Variants in IQCM observed in about 807,000 individuals in gnomAD.
IQCM encodes IQ domain-containing protein M.
IQCM carries 45 observed loss-of-function variants against 57.6 expected under a neutral mutation model. The ratio of observed to expected loss-of-function variants is 0.78; its 90% CI spans 0.62 to 1.00. The LOEUF is 1.00. Ranked by LOEUF, IQCM falls within the 50% of genes least tolerant of loss-of-function variation. The pLI, the probability that IQCM is intolerant of heterozygous loss-of-function variation, is 0.00. For missense variants in IQCM, 468 were observed against 511.6 expected (o/e 0.91, Z 0.82); for synonymous variants, 148 against 158.9 (o/e 0.93, Z 0.51).
intron 8 of IQCM, among the ~76,000 whole-genome samples, chr4:149,597,906 TACAC>T (rs1366107157): frequency 6.6e-6 from 1 of 151,936 alleles, no homozygotes; most frequent in Non-Finnish European, 1.5e-5. Context: ...AAACTACACT[TACAC>T]ACCTCATGAC....
At chr4:149,684,061 C>T (rs976324982) in intron 6 of IQCM, among the ~76,000 whole-genome samples, 2 of 151,210 alleles carry the variant, frequency 1.3e-5, no homozygotes, top group South Asian at 2.1e-4. Flanking sequence ...ATAATATCAA[C>T]TAAAAATTAG....
chr4:149,461,460 C>T (rs1045130866), intron 12 of IQCM, among the ~76,000 whole-genome samples: 3 of 151,728 alleles, frequency 2.0e-5, no homozygotes, highest in African/African-American at 7.3e-5. Flanking sequence ...TAAAAACAAA[C>T]ATGACTACAT....
chr4:149,648,504 T>C (rs3857087), intron 7 of IQCM, among the ~76,000 whole-genome samples: 76,619 of 152,044 alleles, frequency 0.5, 19,616 homozygotes, highest in South Asian at 0.59. Flanking sequence ...AATAAACATA[T>C]ATGTGCATGT....
intron 2 of IQCM, among the ~76,000 whole-genome samples, chr4:149,783,105 A>T (rs1771762762): frequency 6.6e-6 from 1 of 152,114 alleles, no homozygotes; most frequent in Non-Finnish European, 1.5e-5. Flanking sequence ...TGTACTCCAC[A>T]TTCATCTATC....
intron 11 of IQCM, among the ~76,000 whole-genome samples, chr4:149,550,784 A>G (rs1748955696): frequency 6.6e-6 from 1 of 152,226 alleles, no homozygotes; most frequent in Non-Finnish European, 1.5e-5. Context: ...AAGTAACATG[A>G]AGACAAATTA....
chr4:149,432,672 A>G (rs1179598573), intron 13 of IQCM, among the ~76,000 whole-genome samples: 1 of 152,000 alleles, frequency 6.6e-6, no homozygotes, highest in Non-Finnish European at 1.5e-5. Context: ...TCTTCAAAAG[A>G]TACTATTAAA....
rs576001864 is a variant in IQCM, at chr4:149,710,696, CTATT to C, written c.385+22544_385+22547del. ...AAAATATCTGTATAACACTAGCTCT[CTATT>C]TATTTTTACTAGCAAAACTATATTT... On this transcript the variant is annotated intron_variant, in intron 5 of 13. Transcript: ENST00000636793. 2.5e-3 allele frequency among the ~76,000 whole-genome samples: 375 copies of C among 152,248 alleles called. 1 individual carries two copies. Among genetic ancestry groups the C allele is most frequent in the Middle Eastern group, 6.8e-3 (2 of 294 alleles).
At chr4:149,554,637 T>C (rs918023946) in intron 10 of IQCM, among the ~76,000 whole-genome samples, 4 of 151,406 alleles carry the variant, frequency 2.6e-5, no homozygotes, top group African/African-American at 9.7e-5. Flanking sequence ...TTCTACAAGA[T>C]TTTTTGTTTG....
intron 13 of IQCM, among the ~76,000 whole-genome samples, chr4:149,401,342 C>A (rs1035861021): frequency 1.3e-5 from 2 of 151,682 alleles, no homozygotes; most frequent in African/African-American, 4.8e-5. Flanking sequence ...TTAGAATGGT[C>A]TTTATATTTT....
At chr4:149,521,481 G>T (rs2149832082) in intron 12 of IQCM, among the ~76,000 whole-genome samples, 1 of 152,218 alleles carries the variant, frequency 6.6e-6, no homozygotes, top group Non-Finnish European at 1.5e-5. Context: ...TTTAGTAATT[G>T]TTTAGTTCAG....
intron 13 of IQCM, among the ~76,000 whole-genome samples, chr4:149,396,598 CTT>C (rs975548137): frequency 5.0e-4 from 76 of 152,058 alleles, no homozygotes; most frequent in African/African-American, 1.8e-3. Flanking sequence ...GGTTTACCCT[CTT>C]GACAAATTTT....
chr4:149,779,552 CA>C (rs1164631683), intron 2 of IQCM, among the ~76,000 whole-genome samples: 1 of 151,874 alleles, frequency 6.6e-6, no homozygotes, highest in Non-Finnish European at 1.5e-5. Context: ...ATCTGTAGAC[CA>C]AAAAGTGAAC....
chr4:149,610,331 A>C (rs1160601212), intron 8 of IQCM, among the ~76,000 whole-genome samples: 3 of 151,942 alleles, frequency 2.0e-5, no homozygotes, highest in Non-Finnish European at 2.9e-5. Flanking sequence ...AGTGTAAAAC[A>C]TATCAAAATA....
chr4:149,627,565 CAG>C (rs965581436), intron 7 of IQCM, among the ~76,000 whole-genome samples: 4 of 152,096 alleles, frequency 2.6e-5, no homozygotes, highest in Non-Finnish European at 4.4e-5. Context: ...TTCCATTTAA[CAG>C]AGGAGAAAAC....
intron 13 of IQCM, among the ~76,000 whole-genome samples, chr4:149,429,146 G>A (rs1480274843): frequency 6.6e-6 from 1 of 151,804 alleles, no homozygotes; most frequent in South Asian, 2.1e-4. Flanking sequence ...CAGCTTCAAG[G>A]TTAAAAATTT....
chr4:149,576,235 GATT>G (rs1487906257), intron 9 of IQCM, among the ~76,000 whole-genome samples: 1 of 151,568 alleles, frequency 6.6e-6, no homozygotes, highest in Non-Finnish European at 1.5e-5. Context: ...TTGGAGTACA[GATT>G]ATTTTGTCAC....
In IQCM at chr4:149,468,616, GAA is replaced by G. The variant is rs1739142298; in HGVS notation, c.1229-35061_1229-35060del. ...TTAAACATCCCTGTCTGACAGCTTT[GAA>G]GAGAGTAGTGGTTCTCCCAGCATGG... On this transcript the variant is annotated intron_variant, in intron 12 of 13. Coordinates refer to ENST00000636793, the MANE Select transcript of IQCM (RefSeq NM_001363507.2). 7.9e-5 allele frequency among the ~76,000 whole-genome samples: 12 copies of G among 152,294 alleles called. No homozygotes were observed. The South Asian group carries it at 2.5e-3, about 32-fold the overall frequency.
chr4:149,781,702 G>T (rs1286232149), intron 2 of IQCM, among the ~76,000 whole-genome samples: 2 of 152,148 alleles, frequency 1.3e-5, no homozygotes, highest in African/African-American at 4.8e-5. Context: ...GACATCTGCT[G>T]GGGGTCTTGG....
chr4:149,700,696 G>T (rs760191987), intron 5 of IQCM, among the ~76,000 whole-genome samples: 1 of 151,924 alleles, frequency 6.6e-6, no homozygotes, highest in Non-Finnish European at 1.5e-5. Context: ...CTGCCTGACC[G>T]CTTGCCTTGG....
Sources: allele counts gnomAD v4.1 joint callset (sites outside exome capture counted in the v4.1 genomes callset), GRCh38; gene constraint gnomAD v4.1.1; transcripts MANE v1.5; gene names NCBI Gene and HGNC (gene_info 2026-07-23, HGNC 2026-07-21).